Variants in RBFOX1 observed in about 807,000 individuals in gnomAD.
RBFOX1 encodes RNA binding fox-1 homolog 1.
A neutral mutation model predicts 57.7 loss-of-function variants in RBFOX1; 8 were observed. The observed-to-expected ratio is 0.14, with a 90% CI of 0.08 to 0.25. The LOEUF is 0.25. Ranked by LOEUF, RBFOX1 falls within the 10% of genes least tolerant of loss-of-function variation. The pLI is 1.00. For synonymous variants in RBFOX1, 326 were observed against 222.4 expected (o/e 1.47, Z -4.15); for missense variants, 611 against 548.5 (o/e 1.11, Z -1.14).
chr16:6,573,115 G>A (rs1190057357), intron 2 of RBFOX1, among the ~76,000 whole-genome samples: 2 of 152,132 alleles, frequency 1.3e-5, no homozygotes, highest in Non-Finnish European at 2.9e-5. Context: ...CATGGGCACT[G>A]CAGATTTTTG....
intron 3 of RBFOX1, among the ~76,000 whole-genome samples, chr16:7,013,583 C>G (rs558241302): frequency 1.3e-5 from 2 of 152,302 alleles, no homozygotes; most frequent in South Asian, 4.1e-4. Context: ...CTGGTATAAC[C>G]TATCATTGCA....
At chr16:6,623,443 CT>C (rs57896155) in intron 2 of RBFOX1, among the ~76,000 whole-genome samples, 29,921 of 149,220 alleles carry the variant, frequency 0.2, 3,215 homozygotes, top group Middle Eastern at 0.26. Context: ...GGTGAAAATT[CT>C]TTTTTTTTTT....
intron 2 of RBFOX1, among the ~76,000 whole-genome samples, chr16:6,639,866 G>T (rs1436457321): frequency 1.3e-5 from 2 of 151,946 alleles, no homozygotes; most frequent in African/African-American, 4.8e-5. Flanking sequence ...GCAACAGAGT[G>T]AGACTGTGTC....
At chr16:5,287,386 A>C (rs1185062397) in intron 1 of RBFOX1, among the ~76,000 whole-genome samples, 1 of 152,188 alleles carries the variant, frequency 6.6e-6, no homozygotes, top group East Asian at 1.9e-4. Context: ...GTGTCAGGCC[A>C]AACTAGCTCT....
At chr16:7,685,455 C>A (rs908878733) in intron 14 of RBFOX1, among the ~76,000 whole-genome samples, 1 of 152,004 alleles carries the variant, frequency 6.6e-6, no homozygotes, top group Non-Finnish European at 1.5e-5. Context: ...CATAGATTCA[C>A]GCTAATATAA....
At chr16:6,305,614 C>G (rs947922072) in intron 1 of RBFOX1, among the ~76,000 whole-genome samples, 8 of 150,794 alleles carry the variant, frequency 5.3e-5, no homozygotes, top group Non-Finnish European at 8.8e-5. Flanking sequence ...CAAGTAGGTA[C>G]AGCTTTTTAA....
chr16:6,088,024 A>G (rs773376846), intron 1 of RBFOX1, among the ~76,000 whole-genome samples: 2 of 152,100 alleles, frequency 1.3e-5, no homozygotes, highest in Non-Finnish European at 2.9e-5. Context: ...ATTCTAATCA[A>G]GCATATTTTC....
chr16:7,175,635 C>T (rs2081510920), intron 4 of RBFOX1, among the ~76,000 whole-genome samples: 1 of 152,196 alleles, frequency 6.6e-6, no homozygotes, highest in Non-Finnish European at 1.5e-5. Flanking sequence ...TATCTCACCC[C>T]AACAGCTGTG....
intron 3 of RBFOX1, among the ~76,000 whole-genome samples, chr16:7,000,437 G>T (rs1021886307): frequency 2.0e-5 from 3 of 152,002 alleles, no homozygotes; most frequent in African/African-American, 7.2e-5. Flanking sequence ...TTATGCAACA[G>T]TCTCTACATA....
intron 3 of RBFOX1, among the ~76,000 whole-genome samples, chr16:6,894,315 A>G (rs562834933): frequency 1.3e-5 from 2 of 152,112 alleles, no homozygotes; most frequent in Non-Finnish European, 2.9e-5. Flanking sequence ...TGCGTTTGAA[A>G]TCCCCCAGAT....
chr16:6,970,859 G>T (rs1190926046), intron 3 of RBFOX1, among the ~76,000 whole-genome samples: 1 of 152,192 alleles, frequency 6.6e-6, no homozygotes, highest in African/African-American at 2.4e-5. Context: ...GAAGAAAGAA[G>T]GCTGTGCTAG....
intron 3 of RBFOX1, among the ~76,000 whole-genome samples, chr16:6,745,882 A>T (rs980938976): frequency 1.3e-5 from 2 of 152,204 alleles, no homozygotes; most frequent in African/African-American, 4.8e-5. Flanking sequence ...ATAAAATTTT[A>T]TGCTCTCTAA....
At chr16:7,192,292 G>A (rs768481279) in intron 4 of RBFOX1, among the ~76,000 whole-genome samples, 2 of 152,168 alleles carry the variant, frequency 1.3e-5, no homozygotes, top group Non-Finnish European at 1.5e-5. Context: ...TTGTGAATCT[G>A]ACGTTAGGGA....
chr16:7,076,507 A>G (rs1002313343), intron 4 of RBFOX1, among the ~76,000 whole-genome samples: 2 of 152,202 alleles, frequency 1.3e-5, no homozygotes, highest in African/African-American at 4.8e-5. Flanking sequence ...TATGCCTAAT[A>G]TACAAAAAAT....
intron 4 of RBFOX1, among the ~76,000 whole-genome samples, chr16:7,424,660 T>C (rs980262426): frequency 6.6e-6 from 1 of 152,226 alleles, no homozygotes; most frequent in Non-Finnish European, 1.5e-5. Context: ...ATTTTGTTTC[T>C]TATGTAGTGC....
chr16:7,491,770 G>A (rs561400266), intron 4 of RBFOX1, among the ~76,000 whole-genome samples: 156 of 152,146 alleles, frequency 1.0e-3, no homozygotes, highest in African/African-American at 1.5e-3. Flanking sequence ...AGCTAGGACC[G>A]CAGGCACATG....
intron 4 of RBFOX1, among the ~76,000 whole-genome samples, chr16:7,497,029 C>T (rs1230142937): frequency 6.6e-6 from 1 of 152,100 alleles, no homozygotes; most frequent in South Asian, 2.1e-4. Flanking sequence ...TTTATTGCCT[C>T]TCTCCATGTC....
intron 2 of RBFOX1, among the ~76,000 whole-genome samples, chr16:6,410,860 T>G (rs1288560222): frequency 1.3e-5 from 2 of 152,172 alleles, no homozygotes; most frequent in Non-Finnish European, 2.9e-5. Context: ...ATAAGTCACT[T>G]AGCCCCTCTG....
At chr16:6,865,519 T>C (rs2059767844) in intron 3 of RBFOX1, among the ~76,000 whole-genome samples, 1 of 152,276 alleles carries the variant, frequency 6.6e-6, no homozygotes, top group African/African-American at 2.4e-5. Context: ...GGTTAATGAC[T>C]TGCTACTATG....
Sources: gnomAD v4.1 joint callset for allele counts (sites outside exome capture counted in the v4.1 genomes callset) on GRCh38, gnomAD v4.1.1 for gene constraint, MANE v1.5 for transcripts, NCBI Gene and HGNC (gene_info 2026-07-23, HGNC 2026-07-21) for gene names.